GNG12: variants seen among roughly 807,000 people sequenced by gnomAD.
The protein encoded by GNG12 is G protein subunit gamma 12.
For missense variants in GNG12, 69 were observed against 83.8 expected, an observed-to-expected ratio of 0.82 and a Z score of 0.69; for synonymous variants, 28 against 29.7, an observed-to-expected ratio of 0.94 and a Z score of 0.19.
At chr1:67,796,916 A>G (rs1186379710) in intron 1 of GNG12, among the ~76,000 whole-genome samples, 1 of 152,134 alleles carries the variant, frequency 6.6e-6, no homozygotes, top group Non-Finnish European at 1.5e-5. Flanking sequence ...GCAAAGGGGG[A>G]ACAGGTGTGT....
At chr1:67,791,993 C>T (rs1646804129) in intron 1 of GNG12, among the ~76,000 whole-genome samples, 2 of 152,170 alleles carry the variant, frequency 1.3e-5, no homozygotes, top group Non-Finnish European at 2.9e-5. Context: ...ACAGGTTCTT[C>T]CTTCTGCTTA....
chr1:67,749,208 A>G (rs1646524799), intron 2 of GNG12, among the ~76,000 whole-genome samples: 1 of 152,222 alleles, frequency 6.6e-6, no homozygotes, highest in African/African-American at 2.4e-5. Context: ...TTGGGTTCGC[A>G]TCCTGCCTTT....
chr1:67,812,407 A>G (rs1646931321), intron 1 of GNG12, among the ~76,000 whole-genome samples: 1 of 152,234 alleles, frequency 6.6e-6, no homozygotes, highest in African/African-American at 2.4e-5. Context: ...AGGTATGGGC[A>G]GACTATGTGC....
chr1:67,707,011 T>G (rs1406175309), intron 3 of GNG12, among the ~76,000 whole-genome samples: 1 of 152,190 alleles, frequency 6.6e-6, no homozygotes, highest in Non-Finnish European at 1.5e-5. Context: ...GGGCACTCAC[T>G]GCCTAGTTCT....
intron 1 of GNG12, among the ~76,000 whole-genome samples, chr1:67,827,747 A>C (rs977127458): frequency 6.6e-6 from 1 of 152,158 alleles, no homozygotes; most frequent in Non-Finnish European, 1.5e-5. Context: ...TTTATTATAC[A>C]GTAATTCTCT....
intron 1 of GNG12, among the ~76,000 whole-genome samples, chr1:67,792,175 T>C (rs910960565): frequency 1.3e-5 from 2 of 152,128 alleles, no homozygotes; most frequent in Admixed American, 1.3e-4. Flanking sequence ...TTTCTATCTA[T>C]TGAATTATTC....
chr1:67,797,069 C>T (rs1276307), intron 1 of GNG12, among the ~76,000 whole-genome samples: 109,967 of 152,058 alleles, frequency 0.72, 39,883 homozygotes, highest in Middle Eastern at 0.79. Context: ...ATGACCCAAA[C>T]ATCTCCCTCT....
intron 2 of GNG12, among the ~76,000 whole-genome samples, chr1:67,720,753 C>T (rs1461208218): frequency 4.6e-5 from 7 of 152,184 alleles, no homozygotes; most frequent in Admixed American, 3.3e-4. Flanking sequence ...AAAGGTTATA[C>T]GACAAAAACT....
intron 1 of GNG12, among the ~76,000 whole-genome samples, chr1:67,797,943 C>T (rs984727963): frequency 6.6e-6 from 1 of 152,180 alleles, no homozygotes; most frequent in African/African-American, 2.4e-5. Context: ...GTCTTGAAAC[C>T]AGCCTCTTTG....
At chr1:67,799,514 C>A (rs935948143) in intron 1 of GNG12, among the ~76,000 whole-genome samples, 2 of 152,102 alleles carry the variant, frequency 1.3e-5, no homozygotes, top group African/African-American at 4.8e-5. Flanking sequence ...ACCACAGTGA[C>A]GTTCATGGAT....
At chr1:67,824,495 C>G (rs2246569) in intron 1 of GNG12, among the ~76,000 whole-genome samples, 40,535 of 126,182 alleles carry the variant, frequency 0.32, 6,050 homozygotes, top group Admixed American at 0.42. Flanking sequence ...GGATGACAGA[C>G]TGAGATCCTG....
At chr1:67,822,440 T>A (rs561166138) in intron 1 of GNG12, among the ~76,000 whole-genome samples, 29 of 152,058 alleles carry the variant, frequency 1.9e-4, no homozygotes, top group Non-Finnish European at 3.8e-4. Flanking sequence ...GTACCCCTTC[T>A]AGGTACTGGA....
chr1:67,792,560 T>C (rs1338236095), intron 1 of GNG12, among the ~76,000 whole-genome samples: 1 of 152,234 alleles, frequency 6.6e-6, no homozygotes, highest in Non-Finnish European at 1.5e-5. Flanking sequence ...TGTAGTCTTT[T>C]GCCTCTAACT....
chr1:67,803,485 G>A (rs1646878245), intron 1 of GNG12, among the ~76,000 whole-genome samples: 1 of 152,214 alleles, frequency 6.6e-6, no homozygotes, highest in East Asian at 1.9e-4. Context: ...ACAGCAGCCT[G>A]GAAGGACTGA....
At chr1:67,829,913 T>C (rs556069074) in intron 1 of GNG12, among the ~76,000 whole-genome samples, 25 of 151,940 alleles carry the variant, frequency 1.6e-4, no homozygotes, top group African/African-American at 6.0e-4. Flanking sequence ...TGGCATGAGC[T>C]AAGATCCTGG....
chr1:67,756,563 G>T (rs1048321185), intron 2 of GNG12, among the ~76,000 whole-genome samples: 157 of 152,312 alleles, frequency 1.0e-3, no homozygotes, highest in Non-Finnish European at 1.9e-4. Context: ...GAGTGGGTTT[G>T]ACTTGGAGGC....
intron 2 of GNG12, among the ~76,000 whole-genome samples, chr1:67,744,437 C>T (rs1646497872): frequency 6.6e-6 from 1 of 152,152 alleles, no homozygotes; most frequent in African/African-American, 2.4e-5. Context: ...CTGGTGTTTC[C>T]TCTCCACTGT....
intron 1 of GNG12, among the ~76,000 whole-genome samples, chr1:67,783,185 T>C (rs530306746): frequency 3.6e-4 from 55 of 152,358 alleles, no homozygotes; most frequent in African/African-American, 1.3e-3. Flanking sequence ...TCAGTATTTC[T>C]ACACATAGAC....
intron 3 of GNG12, among the ~76,000 whole-genome samples, chr1:67,707,018 T>C (rs1172967610): frequency 2.0e-5 from 3 of 152,178 alleles, no homozygotes; most frequent in Non-Finnish European, 2.9e-5. Context: ...CACTGCCTAG[T>C]TCTCTCTTGG....
Sources: allele counts gnomAD v4.1 joint callset (sites outside exome capture counted in the v4.1 genomes callset), GRCh38; gene constraint gnomAD v4.1.1; transcripts MANE v1.5; gene names NCBI Gene and HGNC (gene_info 2026-07-23, HGNC 2026-07-21).